The following RARB variants were observed in gnomAD, a reference collection of about 807,000 sequenced individuals.
The protein encoded by RARB is retinoic acid receptor beta, also known as HBV-activated protein.
In RARB, 17 loss-of-function variants were observed where a neutral mutation model predicts 51.9. That is an observed-to-expected ratio of 0.33 (90% CI 0.22 to 0.49). The LOEUF is 0.49. Among genes scored for constraint, RARB ranks in the 20% least tolerant of loss-of-function variants. The pLI, the probability that RARB is intolerant of heterozygous loss-of-function variation, is 0.99. For synonymous variants in RARB, 215 were observed against 195.4 expected, an observed-to-expected ratio of 1.10 and a Z score of -0.84; for missense variants, 369 against 550.8, an observed-to-expected ratio of 0.67 and a Z score of 3.30.
chr3:25,502,819 G>GTTC (rs1697384873), intron 3 of RARB, among the ~76,000 whole-genome samples: 1 of 152,174 alleles, frequency 6.6e-6, no homozygotes, highest in Non-Finnish European at 1.5e-5. Flanking sequence ...GTAGGACAAA[G>GTTC]CATGCACTGT....
chr3:25,369,877 G>A (rs367956879), intron 5 of RARB, among the ~76,000 whole-genome samples: 5 of 151,998 alleles, frequency 3.3e-5, no homozygotes, highest in Non-Finnish European at 5.9e-5. Flanking sequence ...AGCCAAGATC[G>A]TGCCATTGCA....
chr3:25,370,170 T>C (rs1177138797), intron 5 of RARB, among the ~76,000 whole-genome samples: 1 of 152,194 alleles, frequency 6.6e-6, no homozygotes, highest in Non-Finnish European at 1.5e-5. Context: ...ATTTATTGTA[T>C]ATAAGATTTA....
intron 2 of RARB, among the ~76,000 whole-genome samples, chr3:25,465,393 T>G (rs912416765): frequency 1.3e-5 from 2 of 152,220 alleles, no homozygotes; most frequent in African/African-American, 2.4e-5. Context: ...AATCAAAGTT[T>G]ACTACTGTAA....
chr3:24,854,219 C>A (rs1343452839), intron 1 of RARB, among the ~76,000 whole-genome samples: 2 of 152,146 alleles, frequency 1.3e-5, no homozygotes, highest in African/African-American at 4.8e-5. Context: ...TCTCCTTGGA[C>A]TTCTTTGGTT....
At chr3:25,515,187 G>A (rs1698096917) in intron 3 of RARB, among the ~76,000 whole-genome samples, 1 of 152,176 alleles carries the variant, frequency 6.6e-6, no homozygotes, top group Admixed American at 6.5e-5. Flanking sequence ...GTGTGGCATT[G>A]TATTCCTTAA....
At chr3:25,035,357 A>G (rs1294711388) in intron 2 of RARB, among the ~76,000 whole-genome samples, 2 of 150,930 alleles carry the variant, frequency 1.3e-5, no homozygotes. Flanking sequence ...CCGTAGCTCA[A>G]GCAATCTGAC....
At chr3:25,496,530 A>G (rs1296306063) in intron 2 of RARB, among the ~76,000 whole-genome samples, 2 of 152,188 alleles carry the variant, frequency 1.3e-5, no homozygotes, top group Non-Finnish European at 2.9e-5. Context: ...AGACACCTTA[A>G]TGGATAAATG....
At chr3:25,152,711 G>GGCTCT in intron 4 of RARB, among the ~76,000 whole-genome samples, 1 of 152,236 alleles carries the variant, frequency 6.6e-6, no homozygotes, top group South Asian at 2.1e-4. Flanking sequence ...CTACATATTA[G>GGCTCT]ACTCTACATA....
At chr3:25,363,088 G>C (rs1485046671) in intron 5 of RARB, among the ~76,000 whole-genome samples, 1 of 152,132 alleles carries the variant, frequency 6.6e-6, no homozygotes, top group African/African-American at 2.4e-5. Context: ...ATGTTTTGTA[G>C]GCAAAACGAA....
intron 3 of RARB, among the ~76,000 whole-genome samples, chr3:25,128,521 T>C (rs772048649): frequency 2.7e-5 from 4 of 150,614 alleles, no homozygotes; most frequent in Non-Finnish European, 5.9e-5. Flanking sequence ...TTATCACTTT[T>C]TTTGTACTTT....
intron 4 of RARB, among the ~76,000 whole-genome samples, chr3:25,159,416 C>CA (rs1553638602): frequency 1.9e-4 from 29 of 150,822 alleles, no homozygotes; most frequent in Non-Finnish European, 3.5e-4. Context: ...TGATCCACCC[C>CA]CCCCGCTCCC....
At chr3:25,073,221 C>A (rs185592650) in intron 3 of RARB, among the ~76,000 whole-genome samples, 13 of 152,272 alleles carry the variant, frequency 8.5e-5, no homozygotes, top group Admixed American at 2.6e-4. Context: ...GAAAGCATGA[C>A]GATCATGAAG....
chr3:25,082,545 G>A (rs1248807467), intron 3 of RARB, among the ~76,000 whole-genome samples: 1 of 151,928 alleles, frequency 6.6e-6, no homozygotes, highest in African/African-American at 2.4e-5. Flanking sequence ...ACCTTACAAT[G>A]TTACCTTTCT....
chr3:24,882,013 A>T (rs1703176544), intron 2 of RARB, among the ~76,000 whole-genome samples: 1 of 152,234 alleles, frequency 6.6e-6, no homozygotes, highest in Non-Finnish European at 1.5e-5. Context: ...TTATATGAAT[A>T]TTGCCATAAC....
chr3:24,838,631 A>G (rs1702376717), intron 1 of RARB, among the ~76,000 whole-genome samples: 1 of 152,252 alleles, frequency 6.6e-6, no homozygotes, highest in Non-Finnish European at 1.5e-5. Flanking sequence ...AAACAGAAAT[A>G]GTTTATTTAA....
At chr3:24,959,628 A>G (rs1211657840) in intron 2 of RARB, among the ~76,000 whole-genome samples, 1 of 152,226 alleles carries the variant, frequency 6.6e-6, no homozygotes, top group East Asian at 1.9e-4. Flanking sequence ...GGCCTTTGCC[A>G]GGGACACTGC....
At chr3:25,090,622 T>C (rs949211731) in intron 3 of RARB, among the ~76,000 whole-genome samples, 1 of 152,146 alleles carries the variant, frequency 6.6e-6, no homozygotes, top group African/African-American at 2.4e-5. Context: ...ATTAATCCTT[T>C]GGGATACAGC....
intron 3 of RARB, among the ~76,000 whole-genome samples, chr3:25,536,651 G>A (rs1297903247): frequency 6.6e-6 from 1 of 152,182 alleles, no homozygotes; most frequent in African/African-American, 2.4e-5. Flanking sequence ...GGGGGGATTC[G>A]TTTGTTACAG....
At chr3:25,108,252 C>A (rs893571924) in intron 3 of RARB, among the ~76,000 whole-genome samples, 1 of 151,998 alleles carries the variant, frequency 6.6e-6, no homozygotes, top group African/African-American at 2.4e-5. Flanking sequence ...TGACTGAAAC[C>A]ATGGGAAAAA....
Sources: allele counts gnomAD v4.1 joint callset (sites outside exome capture counted in the v4.1 genomes callset), GRCh38; gene constraint gnomAD v4.1.1; transcripts MANE v1.5; gene names NCBI Gene and HGNC (gene_info 2026-07-23, HGNC 2026-07-21).